Variants in PLCXD3 observed in about 807,000 individuals in gnomAD.
PLCXD3 encodes phosphatidylinositol specific phospholipase C X domain containing 3.
In PLCXD3, 19 loss-of-function variants were observed where a neutral mutation model predicts 25.5. The observed-to-expected ratio is 0.75, with a 90% CI of 0.52 to 1.09. The LOEUF (loss-of-function observed/expected upper bound fraction) is 1.09, where lower values mean the gene tolerates loss of function less well. Ranked by LOEUF, PLCXD3 falls within the 50% of genes least tolerant of loss-of-function variation. The probability of loss-of-function intolerance (pLI) is 0.00; values close to 1 mark genes in which losing one functional copy is unlikely to be tolerated. For synonymous variants in PLCXD3, 174 were observed against 137.6 expected, an observed-to-expected ratio of 1.26 and a Z score of -1.85; for missense variants, 411 against 388.1, an observed-to-expected ratio of 1.06 and a Z score of -0.50.
chr5:41,354,122 C>T (rs1173880765), intron 2 of PLCXD3, among the ~76,000 whole-genome samples: 1 of 152,120 alleles, frequency 6.6e-6, no homozygotes, highest in Non-Finnish European at 1.5e-5. Flanking sequence ...ATCAGAGTTC[C>T]AGCCAATCCT....
chr5:41,392,479 C>A (rs1232182942), intron 1 of PLCXD3, among the ~76,000 whole-genome samples: 4 of 152,152 alleles, frequency 2.6e-5, no homozygotes, highest in Non-Finnish European at 2.9e-5. Flanking sequence ...CTCTACAAGT[C>A]TGCAGGAATC....
rs147796140 is a variant in PLCXD3 at position 41,485,632 on chromosome 5, C to T, written c.103+24792G>A. On this transcript the variant is annotated intron_variant, in intron 1 of 2. Coordinates refer to ENST00000377801, the MANE Select transcript of PLCXD3 (RefSeq NM_001005473.3). ...TCCTGAGTTTTTGTGGAAATTTGAA[C>T]GCCAGAACAAAGCACCATGCTGCAG... 7.4e-4 allele frequency among the ~76,000 whole-genome samples: 113 copies of T among 152,228 alleles called. No homozygotes were observed. The East Asian group carries it at 0.016, about 22-fold the overall frequency.
intron 1 of PLCXD3, among the ~76,000 whole-genome samples, chr5:41,415,674 C>CA (rs1434771514): frequency 4.6e-5 from 7 of 151,956 alleles, no homozygotes; most frequent in Non-Finnish European, 7.4e-5. Context: ...AAAGTTCCCC[C>CA]AAAAAAGAGA....
intron 1 of PLCXD3, among the ~76,000 whole-genome samples, chr5:41,436,728 A>G (rs1295640427): frequency 2.6e-5 from 4 of 152,222 alleles, no homozygotes; most frequent in Admixed American, 2.6e-4. Context: ...GCTTGAAGAA[A>G]TCAAAAACTA....
chr5:41,396,802 C>A (rs1365692989), intron 1 of PLCXD3, among the ~76,000 whole-genome samples: 1 of 152,230 alleles, frequency 6.6e-6, no homozygotes, highest in African/African-American at 2.4e-5. Flanking sequence ...ACTTGCTATG[C>A]TTCAGCAAAG....
rs763783966 is a variant in PLCXD3 at position 41,381,880 on chromosome 5, G to C, written c.758C>G (p.Ala253Gly). 5.0e-6 allele frequency: 8 copies of C among 1,613,082 alleles called. No individual in the cohort carries two copies. The highest frequency in any genetic ancestry group is 4.5e-5 in the East Asian group (2 of 44,844). ...FISQVVLTPK[A>G]STVVKGVASG... ...TGCCACCCCTTTGACCACAGTGCTA[G>C]CTTTGGGGGTCAGCACCACCTGAGA... The change falls in exon 2 of 3, where the codon GCT becomes GGT. Residue 253 changes from alanine (A) to glycine (G), a missense_variant. Transcript: ENST00000377801.
intron 2 of PLCXD3, among the ~76,000 whole-genome samples, chr5:41,355,221 A>T (rs2150482828): frequency 6.6e-6 from 1 of 152,326 alleles, no homozygotes; most frequent in Non-Finnish European, 1.5e-5. Flanking sequence ...TGACAGACAG[A>T]AAATACCCGT....
intron 1 of PLCXD3, among the ~76,000 whole-genome samples, chr5:41,461,873 T>C (rs1747883679): frequency 6.6e-6 from 1 of 151,998 alleles, no homozygotes; most frequent in African/African-American, 2.4e-5. Flanking sequence ...AATTTAGTCC[T>C]ATATTCCTAT....
chr5:41,352,357 T>A (rs993400034), intron 2 of PLCXD3, among the ~76,000 whole-genome samples: 1 of 152,206 alleles, frequency 6.6e-6, no homozygotes, highest in Non-Finnish European at 1.5e-5. Context: ...CAGGTTCACC[T>A]GGCAAATTTC....
intron 1 of PLCXD3, among the ~76,000 whole-genome samples, chr5:41,437,009 G>A (rs1747270390): frequency 6.6e-6 from 1 of 152,128 alleles, no homozygotes; most frequent in South Asian, 2.1e-4. Context: ...GAATCTCATG[G>A]GGTTAGAGAG....
At chr5:41,353,968 G>A (rs1280167854) in intron 2 of PLCXD3, among the ~76,000 whole-genome samples, 1 of 152,086 alleles carries the variant, frequency 6.6e-6, no homozygotes, top group Non-Finnish European at 1.5e-5. Flanking sequence ...TAGAATATGT[G>A]CCCATTTTTC....
At chr5:41,502,935 T>C (rs917076810) in intron 1 of PLCXD3, among the ~76,000 whole-genome samples, 2 of 152,208 alleles carry the variant, frequency 1.3e-5, no homozygotes, top group African/African-American at 4.8e-5. Context: ...TGCAGCCTTC[T>C]TCTCTAGCAG....
intron 1 of PLCXD3, among the ~76,000 whole-genome samples, chr5:41,414,265 G>T (rs1035279990): frequency 6.6e-6 from 1 of 151,296 alleles, no homozygotes. Flanking sequence ...ATGGAGTTTC[G>T]CTCTTGTTGC....
chr5:41,397,234 G>C (rs1405271386), intron 1 of PLCXD3, among the ~76,000 whole-genome samples: 1 of 152,120 alleles, frequency 6.6e-6, no homozygotes, highest in Non-Finnish European at 1.5e-5. Context: ...GGTTTCCTGG[G>C]CCAGGCACAG....
chr5:41,509,703 G>A (rs1251431364), intron 1 of PLCXD3, among the ~76,000 whole-genome samples: 1 of 152,204 alleles, frequency 6.6e-6, no homozygotes, highest in Non-Finnish European at 1.5e-5. Flanking sequence ...CATACGGTCC[G>A]CAAGGGTTTG....
intron 2 of PLCXD3, among the ~76,000 whole-genome samples, chr5:41,319,230 T>A (rs1401600328): frequency 4.6e-5 from 7 of 152,076 alleles, no homozygotes; most frequent in Admixed American, 1.3e-4. Context: ...TCAAGAAACA[T>A]CAGACTTAAT....
intron 1 of PLCXD3, among the ~76,000 whole-genome samples, chr5:41,486,642 A>G (rs1392571690): frequency 2.0e-5 from 3 of 152,198 alleles, no homozygotes; most frequent in Non-Finnish European, 4.4e-5. Flanking sequence ...GAGCTTAGAG[A>G]GGCAGAGAAA....
intron 1 of PLCXD3, among the ~76,000 whole-genome samples, chr5:41,482,296 C>G (rs561774992): frequency 6.6e-6 from 1 of 151,986 alleles, no homozygotes; most frequent in Non-Finnish European, 1.5e-5. Context: ...TGAATGAGTC[C>G]CAAATCCAAG....
intron 1 of PLCXD3, chr5:41,475,583 TAGGCCTCTTCAGGTCCCTTC>T (rs1402373522): frequency 7.5e-6 from 4 of 533,754 alleles, no homozygotes; most frequent in East Asian, 5.4e-5. Context: ...TTTATCCCTG[TAGGCCTCTTCAGGTCCCTTC>T]AGGTCTCTTC....
Sources: gnomAD v4.1 joint callset for allele counts (sites outside exome capture counted in the v4.1 genomes callset) on GRCh38, gnomAD v4.1.1 for gene constraint, MANE v1.5 for transcripts, NCBI Gene and HGNC (gene_info 2026-07-23, HGNC 2026-07-21) for gene names.